Variants in TOX3 observed in about 807,000 individuals in gnomAD.
The protein encoded by TOX3 is TOX high mobility group box family member 3.
A neutral mutation model predicts 64.3 loss-of-function variants in TOX3; 22 were observed. The ratio of observed to expected loss-of-function variants is 0.34; its 90% CI spans 0.24 to 0.49. The LOEUF (loss-of-function observed/expected upper bound fraction) is 0.49, where lower values mean the gene tolerates loss of function less well. Ranked by LOEUF, TOX3 falls within the 20% of genes least tolerant of loss-of-function variation. TOX3 has a pLI of 0.99. For synonymous variants in TOX3, 291 were observed against 273.6 expected (o/e 1.06, Z -0.63); for missense variants, 661 against 714.4 (o/e 0.93, Z 0.85).
chr16:52,536,761 T>C lies in TOX3; in HGVS notation c.87+9876A>G, dbSNP rs1387419633. ...ATCTTATTCCCATAGTCCAATCCAC[T>C]GGCCCTTTTCCTTAACTCTTGACAT... On this transcript the variant is annotated intron_variant, in intron 1 of 6. Transcript: ENST00000219746. 2.7e-5 allele frequency among the ~76,000 whole-genome samples: 4 copies of C among 148,836 alleles called. No individual in the cohort carries two copies. The East Asian group carries it at 5.9e-4, about 22-fold the overall frequency.
chr16:52,534,616 A>G (rs1962913044), intron 1 of TOX3, among the ~76,000 whole-genome samples: 1 of 152,054 alleles, frequency 6.6e-6, no homozygotes, highest in South Asian at 2.1e-4. Flanking sequence ...AGCCGGGGCA[A>G]CACAACAAGA....
chr16:52,525,672 T>C (rs1437129688), intron 1 of TOX3, among the ~76,000 whole-genome samples: 1 of 152,140 alleles, frequency 6.6e-6, no homozygotes, highest in African/African-American at 2.4e-5. Context: ...CATGCCAAAA[T>C]GCAAGTGCGT....
At chr16:52,532,373 T>C (rs1053421401) in intron 1 of TOX3, among the ~76,000 whole-genome samples, 2 of 152,190 alleles carry the variant, frequency 1.3e-5, no homozygotes, top group Non-Finnish European at 2.9e-5. Flanking sequence ...CTTGTGTACT[T>C]TCCTGCTGTC....
chr16:52,536,604 T>C (rs573260432), intron 1 of TOX3, among the ~76,000 whole-genome samples: 1 of 136,906 alleles, frequency 7.3e-6, no homozygotes. Context: ...CCCCAACATC[T>C]TTTCTACTGA....
chr16:52,440,928 T>A lies in TOX3; in HGVS notation c.988-960A>T, dbSNP rs574459201. ...GGTGCCCACCACCACACCCAGCTAA[T>A]TTTTTTGTATTTTTTAGTAGAGACA... On this transcript the variant is annotated intron_variant, in intron 6 of 6. Transcript: ENST00000219746. Among the ~76,000 whole-genome samples the A allele has an allele frequency of 3.5e-4, 53 of 151,820 alleles. No individual in the cohort carries two copies. In the South Asian group the frequency reaches 3.5e-3, roughly 10 times the overall value.
At chr16:52,519,397 A>C in intron 1 of TOX3, 1 of 1,551,198 alleles carries the variant, frequency 6.4e-7, no homozygotes, top group Non-Finnish European at 8.7e-7. Flanking sequence ...CCAGAAGATT[A>C]GGTCTTACTT....
chr16:52,537,878 TAAAAAA>T (rs57403617), intron 1 of TOX3, among the ~76,000 whole-genome samples: 4 of 111,018 alleles, frequency 3.6e-5, no homozygotes, highest in Non-Finnish European at 7.6e-5. Context: ...GCTGATATGA[TAAAAAA>T]AAAAAAAAAA....
At chr16:52,464,318 G>T in intron 2 of TOX3, 130 bp from the exon 3 acceptor site, 1 of 1,047,070 alleles carries the variant, frequency 9.6e-7, no homozygotes, top group Admixed American at 3.2e-5. Context: ...TTTCTCAAAT[G>T]AAAATATCTT....
chr16:52,530,415 C>A (rs559220452), intron 1 of TOX3, among the ~76,000 whole-genome samples: 37 of 152,048 alleles, frequency 2.4e-4, no homozygotes, highest in Non-Finnish European at 4.7e-4. Flanking sequence ...CAACCCACTG[C>A]AACCTCCGCC....
At chr16:52,525,505 A>G (rs1391144439) in intron 1 of TOX3, among the ~76,000 whole-genome samples, 1 of 152,216 alleles carries the variant, frequency 6.6e-6, no homozygotes, top group East Asian at 1.9e-4. Context: ...TCAAATCCAG[A>G]GCAATGTCAA....
intron 1 of TOX3, among the ~76,000 whole-genome samples, chr16:52,492,266 T>C (rs142330126): frequency 0.025 from 3,694 of 146,838 alleles, 132 homozygotes; most frequent in East Asian, 0.19. Flanking sequence ...AATATAAATA[T>C]ATAATGGTTG....
chr16:52,539,139 ATAAATGTTTTCAT>A (rs746797741), intron 1 of TOX3, among the ~76,000 whole-genome samples: 31 of 152,236 alleles, frequency 2.0e-4, no homozygotes, highest in Non-Finnish European at 1.2e-4. Context: ...TTCCAAAAAA[ATAAATGTTTTCAT>A]TCATAAATGG....
intron 1 of TOX3, among the ~76,000 whole-genome samples, chr16:52,492,594 T>TA (rs1596823340): frequency 1.4e-5 from 2 of 138,146 alleles, no homozygotes; most frequent in Non-Finnish European, 3.1e-5. Context: ...TATATATATA[T>TA]TCCTTAATTT....
At chr16:52,506,423 T>C (rs1300710218) in intron 1 of TOX3, among the ~76,000 whole-genome samples, 2 of 152,158 alleles carry the variant, frequency 1.3e-5, no homozygotes, top group Non-Finnish European at 2.9e-5. Context: ...ACCAATGTCT[T>C]CATCTCAACC....
intron 1 of TOX3, among the ~76,000 whole-genome samples, chr16:52,536,909 T>A (rs1962961203): frequency 1.3e-5 from 2 of 150,870 alleles, no homozygotes; most frequent in Admixed American, 1.3e-4. Flanking sequence ...TTACATATTT[T>A]ATATATATAT....
At chr16:52,442,484 G>T (rs1960028203) in intron 6 of TOX3, among the ~76,000 whole-genome samples, 1 of 152,086 alleles carries the variant, frequency 6.6e-6, no homozygotes, top group Admixed American at 6.5e-5. Flanking sequence ...GATTCTTTCA[G>T]TTATTCTAAC....
intron 6 of TOX3, 128 bp from the exon 7 acceptor site, chr16:52,440,096 A>C: frequency 1.4e-6 from 1 of 721,244 alleles, no homozygotes; most frequent in Non-Finnish European, 2.1e-6. Flanking sequence ...CTGTATGTGT[A>C]CTCTTTGTCT....
chr16:52,446,403 T>C (rs1407362439), intron 4 of TOX3, among the ~76,000 whole-genome samples, 182 bp from the exon 5 acceptor site: 3 of 152,124 alleles, frequency 2.0e-5, no homozygotes, highest in Non-Finnish European at 4.4e-5. Flanking sequence ...AGATTAGCAT[T>C]TAGAACATCG....
In TOX3 at chr16:52,546,949, G is replaced by T. The variant is rs1389973669; in HGVS notation, c.-226C>A. On this transcript the variant is annotated 5_prime_UTR_variant, in exon 1 of 7. Coordinates refer to ENST00000219746, the MANE Select transcript of TOX3 (RefSeq NM_001080430.4). ...CGGGAGAGCGGGAGGCGGCCGGGGG[G>T]ACGCGCCCCGCCGGGGCACCGAGGC... 8.1e-6 allele frequency: 8 copies of T among 988,690 alleles called. No individual in the cohort carries two copies. The East Asian group carries it at 7.7e-4, about 96-fold the overall frequency. The allele number at this position is 988,690 out of a possible 1,614,324, so 61.2% of individuals were successfully genotyped here. A position where few individuals can be genotyped will look rare whatever the true frequency, so the allele number is the denominator to read the frequency against.
Sources: allele counts gnomAD v4.1 joint callset (sites outside exome capture counted in the v4.1 genomes callset), GRCh38; gene constraint gnomAD v4.1.1; transcripts MANE v1.5; gene names NCBI Gene and HGNC (gene_info 2026-07-23, HGNC 2026-07-21).